Variants in RAF1 observed in about 807,000 individuals in gnomAD.
RAF1 encodes RAF proto-oncogene serine/threonine-protein kinase.
Under a neutral mutation model 81.1 loss-of-function variants are expected in RAF1, and 27 were observed. The observed-to-expected ratio is 0.33, with a 90% CI of 0.25 to 0.46. RAF1 has a LOEUF of 0.46. Among genes scored for constraint, RAF1 ranks in the 20% least tolerant of loss-of-function variants. The probability of loss-of-function intolerance (pLI) is 1.00; values close to 1 mark genes in which losing one functional copy is unlikely to be tolerated. For missense variants in RAF1, 598 were observed against 826.0 expected (o/e 0.72, Z 3.38); for synonymous variants, 298 against 294.0 (o/e 1.01, Z -0.14).
intron 1 of RAF1, among the ~76,000 whole-genome samples, chr3:12,642,792 G>C (rs2060234384): frequency 6.6e-6 from 1 of 151,606 alleles, no homozygotes; most frequent in Non-Finnish European, 1.5e-5. Flanking sequence ...GGGAGGCTGA[G>C]GGGAGAGGAT....
In RAF1 at chr3:12,584,953, G is replaced by A. The variant is rs2058278174; in HGVS notation, c.1757C>T (p.Ala586Val). ...ATATAGCTTACTAAGATCTGGGGAG[G>A]CATATCCTCGGCCCACCATGAAGAT... is the stretch of plus-strand genomic sequence containing the variant. Residue 586 changes from alanine (A) to valine (V), a missense_variant, in exon 17 of 18, where the codon GCC (alanine) becomes GTC (valine). By Grantham distance (64) the Ala-to-Val change is moderately conservative. Around this residue, in one of 5 missense-constraint regions of RAF1, gnomAD observed 147 missense variants for 196.1 expected, o/e 0.75. Coordinates refer to ENST00000442415, the MANE Select transcript of RAF1 (RefSeq NM_001354689.3). The A allele has an allele frequency of 4.3e-6, 7 of 1,614,014 alleles. No individual in the cohort carries two copies. The highest frequency in any genetic ancestry group is 2.2e-5 in the East Asian group (1 of 44,898).
chr3:12,656,725 G>A (rs1051189373), intron 1 of RAF1, among the ~76,000 whole-genome samples: 11 of 152,070 alleles, frequency 7.2e-5, no homozygotes, highest in Non-Finnish European at 1.2e-4. Context: ...TGGCCACTGC[G>A]GTGGCTCACA....
intron 5 of RAF1, among the ~76,000 whole-genome samples, chr3:12,607,802 T>C (rs1183267889): frequency 6.7e-6 from 1 of 150,322 alleles, no homozygotes; most frequent in Non-Finnish European, 1.5e-5. Context: ...ACTACAAAAA[T>C]TAGCTGGGCG....
intron 6 of RAF1, among the ~76,000 whole-genome samples, chr3:12,605,146 T>G (rs2058983712): frequency 6.6e-6 from 1 of 152,120 alleles, no homozygotes; most frequent in Admixed American, 6.6e-5. Context: ...ATAAAAGCCA[T>G]ACAGAAATAT....
At position 12,654,098 on chromosome 3, in the gene RAF1, C is replaced by A. The variant is rs1350760491; in HGVS notation, c.-27+9715G>T. Among the ~76,000 whole-genome samples, 12 of 151,668 alleles carry A rather than the reference C, an allele frequency of 7.9e-5. 1 individual carries two copies. In the East Asian group the frequency reaches 2.3e-3, roughly 30 times the overall value. ...CCTCCAATTCCTGGACTCAAACAATCCTCTCTCCTCAGCCTACCAAGTAGC... is the reference window on the plus strand; with the variant it reads ...CCTCCAATTCCTGGACTCAAACAATACTCTCTCCTCAGCCTACCAAGTAGC... On this transcript the variant is annotated intron_variant, in intron 1 of 17. Coordinates refer to ENST00000442415, the MANE Select transcript of RAF1 (RefSeq NM_001354689.3).
rs112898312 is a variant in RAF1, at chr3:12,606,948, C to T, written c.582-649G>A. Reference sequence around the variant, plus strand: ...TCAGGTGATTCACCTGCCTTGGCCTCCCAAAGTGCTGGGATTACAGGCGTG... The same window carrying T: ...TCAGGTGATTCACCTGCCTTGGCCTTCCAAAGTGCTGGGATTACAGGCGTG... On this transcript the variant is annotated intron_variant, in intron 5 of 17. Transcript: ENST00000442415. 5.3e-5 allele frequency among the ~76,000 whole-genome samples: 8 copies of T among 152,288 alleles called. 1 individual carries two copies. The highest frequency in any genetic ancestry group is 1.9e-4 in the African/African-American group (8 of 41,550).
At chr3:12,596,973 A>G (rs1372158479) in intron 11 of RAF1, among the ~76,000 whole-genome samples, 3 of 150,530 alleles carry the variant, frequency 2.0e-5, no homozygotes, top group Non-Finnish European at 2.9e-5. Context: ...ATCTCGGCTC[A>G]CTGTAAGCTC....
chr3:12,618,384 CA>C (rs2059442355), intron 2 of RAF1, 130 bp downstream of exon 2: 1 of 929,344 alleles, frequency 1.1e-6, no homozygotes, highest in Admixed American at 2.3e-5. Context: ...AATAAATCTG[CA>C]GTTAGAAAAA....
intron 11 of RAF1, among the ~76,000 whole-genome samples, chr3:12,597,735 C>G (rs757689487): frequency 2.0e-5 from 3 of 151,916 alleles, no homozygotes; most frequent in Non-Finnish European, 4.4e-5. Flanking sequence ...GGAAACATGG[C>G]GAAACCCCAT....
chr3:12,587,676 G>A (rs777986137), intron 13 of RAF1, 39 bp from the exon 13 acceptor site: 35 of 1,544,632 alleles, frequency 2.3e-5, no homozygotes, highest in Non-Finnish European at 2.7e-5. Context: ...TAAGTTTGAG[G>A]GGCATGAGTA....
At chr3:12,595,055 TA>T (rs1213981197) in intron 11 of RAF1, among the ~76,000 whole-genome samples, 1 of 152,256 alleles carries the variant, frequency 6.6e-6, no homozygotes, top group East Asian at 1.9e-4. Context: ...TCAACTCTAA[TA>T]AAGAACTATT....
intron 11 of RAF1, among the ~76,000 whole-genome samples, chr3:12,594,551 G>A (rs1192297513): frequency 6.6e-6 from 1 of 152,090 alleles, no homozygotes; most frequent in African/African-American, 2.4e-5. Context: ...TCAGAATTCA[G>A]AGCCAAGCCC....
intron 1 of RAF1, among the ~76,000 whole-genome samples, chr3:12,632,975 ACTGCAGAAAC>A (rs1219682837): frequency 6.6e-6 from 1 of 152,214 alleles, no homozygotes; most frequent in Non-Finnish European, 1.5e-5. Flanking sequence ...TGAATCCTTG[ACTGCAGAAAC>A]CCCTTTTCCC....
chr3:12,609,513 A>G (rs2059145504), intron 3 of RAF1, among the ~76,000 whole-genome samples, 178 bp from the exon 4 acceptor site: 1 of 152,236 alleles, frequency 6.6e-6, no homozygotes, highest in African/African-American at 2.4e-5. Context: ...TATCTGAAAA[A>G]TAAGAAAACT....
intron 3 of RAF1, among the ~76,000 whole-genome samples, chr3:12,610,427 C>A (rs1386416854): frequency 6.6e-6 from 1 of 152,176 alleles, no homozygotes; most frequent in African/African-American, 2.4e-5. Context: ...CAGACTGATC[C>A]TAGTGACAAT....
At chr3:12,610,856 G>A (rs182313839) in intron 3 of RAF1, among the ~76,000 whole-genome samples, 2 of 152,294 alleles carry the variant, frequency 1.3e-5, no homozygotes, top group African/African-American at 4.8e-5. Context: ...CTGCTGCTTT[G>A]AGGTATTACT....
chr3:12,588,533 GGTGA>G (rs769324854), intron 13 of RAF1: 10 of 152,156 alleles, frequency 6.6e-5, no homozygotes, highest in Admixed American at 1.3e-4. Context: ...GTTGTAACAT[GGTGA>G]GTATTTGTGT....
intron 1 of RAF1, among the ~76,000 whole-genome samples, chr3:12,631,702 A>C (rs1275947856): frequency 1.3e-5 from 2 of 152,208 alleles, no homozygotes; most frequent in East Asian, 3.9e-4. Flanking sequence ...TCTATCCCAC[A>C]GAAGAACACC....
rs1391676420 is a variant in RAF1 at position 12,596,247 on chromosome 3, T to G, written c.1168+3444A>C. On this transcript the variant is annotated intron_variant, in intron 11 of 17. Transcript: ENST00000442415. Reference sequence around the variant, plus strand: ...TCTCGTTCTGTCGCCCAGGCTGGAGTGCTGTGGTATGATCTTGGCTCACTG... The same window carrying G: ...TCTCGTTCTGTCGCCCAGGCTGGAGGGCTGTGGTATGATCTTGGCTCACTG... Among the ~76,000 whole-genome samples, 13 of 145,952 alleles carry G rather than the reference T, an allele frequency of 8.9e-5. No homozygotes were observed. The Admixed American group carries it at 9.3e-4, about 10-fold the overall frequency.
Sources: allele counts gnomAD v4.1 joint callset (sites outside exome capture counted in the v4.1 genomes callset), GRCh38; gene constraint gnomAD v4.1.1; regional missense constraint gnomAD v4.1.1; transcripts MANE v1.5; gene names NCBI Gene and HGNC (gene_info 2026-07-23, HGNC 2026-07-21).